Variants in GRID1 observed in about 807,000 individuals in gnomAD.
The protein encoded by GRID1 is glutamate receptor ionotropic, delta-1.
GRID1 carries 28 observed loss-of-function variants against 98.0 expected under a neutral mutation model. That is an observed-to-expected ratio of 0.29 (90% CI 0.21 to 0.39). The LOEUF (loss-of-function observed/expected upper bound fraction) is 0.39, where lower values mean the gene tolerates loss of function less well. Among genes scored for constraint, GRID1 ranks in the 10% least tolerant of loss-of-function variants. GRID1 has a pLI of 1.00. For missense variants in GRID1, 1,111 were observed against 1,340.5 expected (o/e 0.83, Z 2.67); for synonymous variants, 553 against 538.5 (o/e 1.03, Z -0.37).
chr10:85,971,479 C>A (rs1203620172), intron 4 of GRID1, among the ~76,000 whole-genome samples: 1 of 149,780 alleles, frequency 6.7e-6, no homozygotes, highest in East Asian at 1.9e-4. Flanking sequence ...AAAAATTATC[C>A]TGTAAATCAA....
At chr10:85,797,523 G>A (rs1474024280) in intron 8 of GRID1, among the ~76,000 whole-genome samples, 5 of 151,884 alleles carry the variant, frequency 3.3e-5, no homozygotes, top group African/African-American at 9.7e-5. Context: ...TCCACCTCCC[G>A]TGTTCAAGTG....
At chr10:86,158,596 T>A (rs1307874260) in intron 3 of GRID1, among the ~76,000 whole-genome samples, 2 of 151,280 alleles carry the variant, frequency 1.3e-5, no homozygotes, top group East Asian at 3.9e-4. Flanking sequence ...ACCACAGAGA[T>A]GGGAAATTAT....
chr10:86,104,235 C>T (rs1328423996), intron 4 of GRID1, among the ~76,000 whole-genome samples: 1 of 152,200 alleles, frequency 6.6e-6, no homozygotes, highest in East Asian at 1.9e-4. Context: ...AGCTGCTGGC[C>T]AGCCCAGCTC....
At chr10:85,926,446 C>A (rs80205026) in intron 4 of GRID1, among the ~76,000 whole-genome samples, 3 of 152,162 alleles carry the variant, frequency 2.0e-5, no homozygotes, top group African/African-American at 7.2e-5. Context: ...AAGACAGCCC[C>A]TCTCCAAGCA....
chr10:86,212,148 A>AC (rs1846115923), intron 2 of GRID1, among the ~76,000 whole-genome samples: 1 of 152,100 alleles, frequency 6.6e-6, no homozygotes, highest in African/African-American at 2.4e-5. Flanking sequence ...GGGAAGCAAT[A>AC]CCCCAGAAGG....
intron 5 of GRID1, among the ~76,000 whole-genome samples, chr10:85,877,800 G>T (rs1026423818): frequency 6.6e-6 from 1 of 152,150 alleles, no homozygotes; most frequent in Non-Finnish European, 1.5e-5. Context: ...AGAGAAGAAG[G>T]CTTCAGACGA....
intron 8 of GRID1, among the ~76,000 whole-genome samples, chr10:85,754,968 G>T (rs1368883179): frequency 1.3e-5 from 2 of 152,174 alleles, no homozygotes; most frequent in Non-Finnish European, 2.9e-5. Flanking sequence ...TTTTCTTAAA[G>T]AGCTTGGGAT....
intron 2 of GRID1, among the ~76,000 whole-genome samples, chr10:86,247,247 A>G (rs572230699): frequency 4.7e-4 from 43 of 91,416 alleles, no homozygotes; most frequent in South Asian, 3.3e-3. Context: ...AGGGATGGAC[A>G]GATGGATGGA....
At position 86,041,472 on chromosome 10, in the gene GRID1, T is replaced by C. The variant is rs192668359; in HGVS notation, c.726+97347A>G. Among the ~76,000 whole-genome samples the C allele has an allele frequency of 1.1e-4, 17 of 152,290 alleles. No individual in the cohort carries two copies. The East Asian group carries it at 2.7e-3, about 24-fold the overall frequency. ...AAACCTCCCTGGCCAGTGCTGTGTA[T>C]TGGGTAGAGACCTGAAAAGAGGGGG... On this transcript the variant is annotated intron_variant, in intron 4 of 15. Coordinates refer to ENST00000327946, the MANE Select transcript of GRID1 (RefSeq NM_017551.3).
intron 3 of GRID1, among the ~76,000 whole-genome samples, chr10:86,188,526 C>T (rs1011064630): frequency 1.3e-4 from 20 of 152,186 alleles, no homozygotes; most frequent in African/African-American, 4.3e-4. Context: ...AGACCCACTC[C>T]CTGAGGAATA....
chr10:86,247,367 AGATG>A (rs754410984), intron 2 of GRID1, among the ~76,000 whole-genome samples: 28 of 151,608 alleles, frequency 1.8e-4, no homozygotes, highest in Non-Finnish European at 3.5e-4. Context: ...AGGGATGGAC[AGATG>A]GATGGATGGA....
At chr10:85,878,437 C>G (rs1287881706) in intron 5 of GRID1, among the ~76,000 whole-genome samples, 1 of 152,196 alleles carries the variant, frequency 6.6e-6, no homozygotes, top group Non-Finnish European at 1.5e-5. Flanking sequence ...AGAAACTCTA[C>G]AAGCCAGAAG....
chr10:86,221,086 G>C (rs902643802), intron 2 of GRID1, among the ~76,000 whole-genome samples: 17 of 152,188 alleles, frequency 1.1e-4, no homozygotes, highest in Admixed American at 7.9e-4. Context: ...CTGAGACAGA[G>C]CCCAGCTGGC....
intron 2 of GRID1, chr10:86,264,793 A>C (rs1192536146): frequency 2.1e-5 from 10 of 485,832 alleles, no homozygotes; most frequent in Non-Finnish European, 3.8e-5. Flanking sequence ...GAGACCTCCC[A>C]CACGCTCGTC....
At chr10:85,940,094 AG>A (rs1374860258) in intron 4 of GRID1, among the ~76,000 whole-genome samples, 3 of 147,542 alleles carry the variant, frequency 2.0e-5, no homozygotes, top group African/African-American at 7.4e-5. Flanking sequence ...AAAAAGAGAG[AG>A]AGAGAGACAG....
intron 8 of GRID1, among the ~76,000 whole-genome samples, chr10:85,806,167 A>G (rs751921669): frequency 6.6e-6 from 1 of 152,062 alleles, no homozygotes; most frequent in Non-Finnish European, 1.5e-5. Context: ...ATTTGAATAG[A>G]CACTTCACAA....
chr10:85,780,051 C>T (rs1261184170), intron 8 of GRID1, among the ~76,000 whole-genome samples: 1 of 152,140 alleles, frequency 6.6e-6, no homozygotes, highest in African/African-American at 2.4e-5. Context: ...TCATGTGCTC[C>T]CTTAAGGCTC....
At chr10:86,012,119 C>A (rs905694008) in intron 4 of GRID1, among the ~76,000 whole-genome samples, 14 of 151,610 alleles carry the variant, frequency 9.2e-5, no homozygotes, top group Admixed American at 3.3e-4. Flanking sequence ...GGGACTCTGC[C>A]TCAAAAAATA....
chr10:86,105,243 G>A (rs1362565558), intron 4 of GRID1, among the ~76,000 whole-genome samples: 3 of 152,190 alleles, frequency 2.0e-5, no homozygotes, highest in Admixed American at 1.3e-4. Flanking sequence ...GATAGCTTCA[G>A]TCTGCCCAAG....
Sources: gnomAD v4.1 joint callset for allele counts (sites outside exome capture counted in the v4.1 genomes callset) on GRCh38, gnomAD v4.1.1 for gene constraint, MANE v1.5 for transcripts, NCBI Gene and HGNC (gene_info 2026-07-23, HGNC 2026-07-21) for gene names.